PIEZO1: variants seen among roughly 807,000 people sequenced by gnomAD.
PIEZO1 encodes the protein piezo type mechanosensitive ion channel component 1 (Er blood group).
A neutral mutation model predicts 297.2 loss-of-function variants in PIEZO1; 296 were observed. The observed-to-expected ratio is 1.00, with a 90% CI of 0.91 to 1.10. PIEZO1 has a LOEUF of 1.10. Ranked by LOEUF, PIEZO1 falls within the 50% of genes least tolerant of loss-of-function variation. The pLI, the probability that PIEZO1 is intolerant of heterozygous loss-of-function variation, is 0.00. For missense variants in PIEZO1, 5,018 were observed against 3,455.5 expected (o/e 1.45, Z -11.34); for synonymous variants, 2,427 against 1,507.5 (o/e 1.61, Z -14.13).
At chr16:88,769,338 C>T (rs778001773) in intron 1 of PIEZO1, among the ~76,000 whole-genome samples, 26 of 152,228 alleles carry the variant, frequency 1.7e-4, no homozygotes, top group Non-Finnish European at 3.2e-4. Flanking sequence ...AGGTGTGAGG[C>T]CACCACGCCC....
intron 5 of PIEZO1, 122 bp downstream of exon 5, chr16:88,741,356 A>C: frequency 1.1e-6 from 1 of 948,430 alleles, no homozygotes; most frequent in Non-Finnish European, 1.5e-6. Context: ...CCTCTCTTTA[A>C]CACCAACTTA....
At chr16:88,768,305 G>A (rs975852861) in intron 1 of PIEZO1, among the ~76,000 whole-genome samples, 30 of 152,166 alleles carry the variant, frequency 2.0e-4, no homozygotes, top group Admixed American at 1.3e-4. Context: ...TTCCCACCAC[G>A]GCAGGCCGGC....
intron 1 of PIEZO1, among the ~76,000 whole-genome samples, chr16:88,770,105 C>G (rs1907354432): frequency 6.6e-6 from 1 of 152,178 alleles, no homozygotes; most frequent in African/African-American, 2.4e-5. Flanking sequence ...TCTCCCTGCC[C>G]ACACGCCCCA....
At chr16:88,759,681 A>G (rs1906835985) in intron 1 of PIEZO1, among the ~76,000 whole-genome samples, 1 of 152,186 alleles carries the variant, frequency 6.6e-6, no homozygotes. Context: ...CCAGACCCAG[A>G]GGGGCCATGA....
chr16:88,744,537 G>A (rs1261509240), intron 2 of PIEZO1, among the ~76,000 whole-genome samples: 1 of 151,482 alleles, frequency 6.6e-6, no homozygotes, highest in Non-Finnish European at 1.5e-5. Flanking sequence ...CCTGGGCAGG[G>A]AGGGGCTCTC....
intron 1 of PIEZO1, among the ~76,000 whole-genome samples, chr16:88,762,120 G>A (rs910787429): frequency 5.9e-5 from 9 of 152,334 alleles, no homozygotes; most frequent in South Asian, 4.1e-4. Context: ...AATGTCTGAC[G>A]GAGCCGACCC....
Position 88,784,965 on chromosome 16 carries a change from G to A in PIEZO1, c.-1C>T. 1 of 1,364,928 alleles carries A rather than the reference G, an allele frequency of 7.3e-7. No individual in the cohort carries two copies. Among genetic ancestry groups the A allele is most frequent in the Non-Finnish European group, 9.5e-7 (1 of 1,049,662 alleles). The allele number at this position is 1,364,928 out of a possible 1,614,324, so 84.6% of individuals were successfully genotyped here. A position where few individuals can be genotyped will look rare whatever the true frequency, so the allele number is the denominator to read the frequency against. On this transcript the variant is annotated 5_prime_UTR_variant, in exon 1 of 51. Coordinates refer to ENST00000301015, the MANE Select transcript of PIEZO1 (RefSeq NM_001142864.4). ...CCGCGCCGAGCACGTGCGGCTCCAT[G>A]GCTGGAGGGCCCAGGGCCCGGCCCA...
At position 88,733,619 on chromosome 16, in the gene PIEZO1, G is replaced by A; in HGVS notation, c.2456C>T (p.Ala819Val). ...CAGGGCCACCCAGACGGTGTACAGG[G>A]CCACCAGCTTGAAAACGTGAAGCTC... ...LLELHVFKLV[A>V]LYTVWVALKE... Residue 819 changes from alanine to valine, a missense_variant, in exon 18 of 51, where the codon GCC becomes GTC. Coordinates refer to ENST00000301015, the MANE Select transcript of PIEZO1 (RefSeq NM_001142864.4). The A allele has an allele frequency of 6.5e-7, 1 of 1,549,352 alleles. No individual in the cohort carries two copies. The highest frequency in any genetic ancestry group is 8.7e-7 in the Non-Finnish European group (1 of 1,146,346).
intron 2 of PIEZO1, among the ~76,000 whole-genome samples, chr16:88,748,079 C>A (rs978335789): frequency 1.3e-5 from 2 of 152,220 alleles, no homozygotes; most frequent in Admixed American, 1.3e-4. Context: ...CACAGTCACG[C>A]CCCCTGGTCC....
At chr16:88,737,680 T>C (rs1567675619) in intron 9 of PIEZO1, 34 bp from the exon 10 acceptor site, 3 of 1,533,300 alleles carry the variant, frequency 2.0e-6, no homozygotes, top group Non-Finnish European at 2.6e-6. Context: ...ATGCACGGGC[T>C]GGCCGGGCGC....
At position 88,735,027 on chromosome 16, in the gene PIEZO1, G is replaced by A; in HGVS notation, c.1696C>T (p.Gln566Ter). Reference sequence around the variant, plus strand: ...CCCTTCACCAGCTCCCCCAGGCTCTGCAACAGCGTCTGCGTCCGCGTGGGC... The same window carrying A: ...CCCTTCACCAGCTCCCCCAGGCTCTACAACAGCGTCTGCGTCCGCGTGGGC... ...TEPTRTQTLL[Q>*]SLGELVKGVY... Residue 566 changes from glutamine (Q) to a stop codon, truncating the protein, a stop_gained, in exon 14 of 51, where the codon CAG becomes TAG. Coordinates refer to ENST00000301015, the MANE Select transcript of PIEZO1 (RefSeq NM_001142864.4). LOFTEE classifies it high-confidence loss of function. 6.4e-7 allele frequency: 1 copy of A among 1,550,476 alleles called. No homozygotes were observed.
chr16:88,743,368 C>T (rs763302074), intron 2 of PIEZO1: 3 of 450,644 alleles, frequency 6.7e-6, no homozygotes, highest in South Asian at 4.7e-5. Flanking sequence ...CCGGCACGTG[C>T]TGGCAGGAGC....
At chr16:88,764,150 G>A (rs1411402488) in intron 1 of PIEZO1, among the ~76,000 whole-genome samples, 1 of 152,174 alleles carries the variant, frequency 6.6e-6, no homozygotes, top group African/African-American at 2.4e-5. Flanking sequence ...GGTCCTGGGG[G>A]AAACCCAGAG....
intron 13 of PIEZO1, 27 bp from the exon 14 acceptor site, chr16:88,735,080 T>A (rs564154897): frequency 1.4e-5 from 22 of 1,550,062 alleles, no homozygotes; most frequent in Non-Finnish European, 1.9e-5. Flanking sequence ...GGGCAGGCGA[T>A]GGCATCAGGG....
At chr16:88,726,497 G>C (rs1052916659) in intron 26 of PIEZO1, 42 bp from the exon 27 acceptor site, 3 of 1,547,146 alleles carry the variant, frequency 1.9e-6, no homozygotes, top group Non-Finnish European at 2.6e-6. Context: ...CAGGGCCCAG[G>C]AGCAGGGGGC....
intron 1 of PIEZO1, among the ~76,000 whole-genome samples, chr16:88,761,924 C>A (rs1050059192): frequency 6.6e-6 from 1 of 152,220 alleles, no homozygotes; most frequent in African/African-American, 2.4e-5. Flanking sequence ...ATGGGTGAGG[C>A]CTGCGTTCCA....
At chr16:88,722,457 G>C in intron 35 of PIEZO1, 60 bp from the exon 36 acceptor site, 1 of 1,452,592 alleles carries the variant, frequency 6.9e-7, no homozygotes. Flanking sequence ...CAGGCTACAG[G>C]GAGGGTCAGG....
rs892032306 is a variant in PIEZO1, at chr16:88,722,205, G to T, written c.4955+13C>A. On this transcript the variant is annotated intron_variant, in intron 36 of 50. Transcript: ENST00000301015. ...CCATGGTGAGGCTGGTGTTGTGCGC[G>T]TCCCGCCCCCACCTGTCCAGGAGCA... The T allele has an allele frequency of 1.3e-6, 2 of 1,542,900 alleles. No homozygotes were observed. Among genetic ancestry groups the T allele is most frequent in the African/African-American group, 1.4e-5 (1 of 73,004 alleles).
At position 88,722,370 on chromosome 16, in the gene PIEZO1, G is replaced by A; in HGVS notation, c.4803C>T (p.Ser1601=). ...SSGLGAEEPL[S]SMTDDMGSPL... is the part of the protein sequence containing the mutation. ...GGCTGCCCATGTCGTCTGTCATGCT[G>A]CTGAGTGGCTCCTCCGCGCCCAGCC... The change falls in exon 36 of 51, where the codon AGC becomes AGT. Residue 1601 remains serine (S), a synonymous_variant. Coordinates refer to ENST00000301015, the MANE Select transcript of PIEZO1 (RefSeq NM_001142864.4). 1 of 1,520,654 alleles carries A rather than the reference G, an allele frequency of 6.6e-7. No homozygotes were observed. 94.2% of individuals were successfully genotyped at this position (1,520,654 alleles called of 1,614,324 possible). A position where few individuals can be genotyped will look rare whatever the true frequency, so the allele number is the denominator to read the frequency against.
Sources: allele counts gnomAD v4.1 joint callset (sites outside exome capture counted in the v4.1 genomes callset), GRCh38; gene constraint gnomAD v4.1.1; transcripts MANE v1.5; gene names NCBI Gene and HGNC (gene_info 2026-07-23, HGNC 2026-07-21).